HAT1: variants seen among roughly 807,000 people sequenced by gnomAD.
HAT1 encodes the protein histone acetyltransferase 1, also known as histone acetyltransferase type B catalytic subunit.
Under a neutral mutation model 56.6 loss-of-function variants are expected in HAT1, and 20 were observed. That is an observed-to-expected ratio of 0.35 (90% CI 0.25 to 0.51). The LOEUF (loss-of-function observed/expected upper bound fraction) is 0.51. Among genes scored for constraint, HAT1 ranks in the 20% least tolerant of loss-of-function variants. The pLI, the probability that HAT1 is intolerant of heterozygous loss-of-function variation, is 0.95. For synonymous variants in HAT1, 146 were observed against 165.5 expected (o/e 0.88, Z 0.91); for missense variants, 408 against 504.3 (o/e 0.81, Z 1.83).
intron 9 of HAT1, among the ~76,000 whole-genome samples, chr2:171,977,543 ATATATATATATATATTTTTT>A (rs1327991637): frequency 7.2e-5 from 1 of 13,846 alleles, no homozygotes; most frequent in African/African-American, 3.3e-4. Context: ...ATATATATAT[ATATATATATATATATTTTTT>A]TTTTTTTTTT....
intron 3 of HAT1, among the ~76,000 whole-genome samples, chr2:171,950,076 C>A (rs1288091415): frequency 1.3e-5 from 2 of 152,200 alleles, no homozygotes; most frequent in Non-Finnish European, 2.9e-5. Context: ...ACATAGTGGA[C>A]ATTTAAATAT....
chr2:171,963,602 C>T (rs1026319999), intron 4 of HAT1, among the ~76,000 whole-genome samples: 1 of 152,054 alleles, frequency 6.6e-6, no homozygotes, highest in Non-Finnish European at 1.5e-5. Flanking sequence ...TTATAAATCC[C>T]TTTTTAAAAG....
chr2:171,969,070 T>C (rs1301367453), intron 8 of HAT1, among the ~76,000 whole-genome samples: 1 of 152,228 alleles, frequency 6.6e-6, no homozygotes, highest in Non-Finnish European at 1.5e-5. Flanking sequence ...AGACAATTCC[T>C]TGTATACCAT....
In HAT1 at chr2:171,976,156, G is replaced by A; in HGVS notation, c.824-1G>A. ...AATATTATTCTGCTTTATTTATTTA[G>A]CGGAAGATCCATCCAAAAGCTATGT... On this transcript the variant is annotated splice_acceptor_variant, in intron 8 of 10. Coordinates refer to ENST00000264108, the MANE Select transcript of HAT1 (RefSeq NM_003642.4). LOFTEE classifies it high-confidence loss of function. 1 of 1,514,152 alleles carries A rather than the reference G, an allele frequency of 6.6e-7. No individual in the cohort carries two copies. The highest frequency in any genetic ancestry group is 8.9e-7 in the Non-Finnish European group (1 of 1,126,932). The allele number at this position is 1,514,152 out of a possible 1,614,324, so 93.8% of individuals were successfully genotyped here. A position where few individuals can be genotyped will look rare whatever the true frequency, so the allele number is the denominator to read the frequency against.
rs777878949 is a variant in HAT1 at position 171,983,269 on chromosome 2, A to G, written c.1177A>G (p.Met393Val). 2 of 1,604,198 alleles carry G rather than the reference A, an allele frequency of 1.2e-6. No individual in the cohort carries two copies. The highest frequency in any genetic ancestry group is 2.2e-5 in the South Asian group (2 of 90,624). The change falls in exon 11 of 11, where the codon ATG becomes GTG. Residue 393 changes from methionine (M) to valine (V), a missense_variant. Coordinates refer to ENST00000264108, the MANE Select transcript of HAT1 (RefSeq NM_003642.4). ...TNQMNQIEISMQHEQLEESFQ... is the reference protein window; with the variant it reads ...TNQMNQIEISVQHEQLEESFQ... ...CCAGATGAACCAAATAGAAATAAGCATGCAACATGAACAGCTGGAAGAGAG... is the reference window on the plus strand; with the variant it reads ...CCAGATGAACCAAATAGAAATAAGCGTGCAACATGAACAGCTGGAAGAGAG...
intron 3 of HAT1, 126 bp from the exon 4 acceptor site, chr2:171,952,754 AT>A (rs374046443): frequency 5.6e-3 from 2,704 of 486,530 alleles, no homozygotes; most frequent in South Asian, 7.1e-3. Context: ...TTTATTGTAG[AT>A]TTTTTTTTTA....
At chr2:171,951,965 G>T (rs192135124) in intron 3 of HAT1, among the ~76,000 whole-genome samples, 1 of 151,980 alleles carries the variant, frequency 6.6e-6, no homozygotes, top group African/African-American at 2.4e-5. Context: ...CCGTATTTTC[G>T]TAGCCTAGAC....
chr2:171,944,160 A>G (rs1400857212), intron 2 of HAT1, among the ~76,000 whole-genome samples: 2 of 150,562 alleles, frequency 1.3e-5, no homozygotes, highest in Non-Finnish European at 3.0e-5. Flanking sequence ...AAAAAAAAAT[A>G]CTTAAACAAG....
chr2:171,937,068 C>T lies in HAT1; in HGVS notation c.113-9640C>T, dbSNP rs900766751. On this transcript the variant is annotated intron_variant, in intron 2 of 10. Coordinates refer to ENST00000264108, the MANE Select transcript of HAT1 (RefSeq NM_003642.4). ...CTCCCAGGCTCAAGTGATCCTTCCA[C>T]CTCAGCCTCCTGAGTAGCTGGGACT... is the stretch of plus-strand genomic sequence containing the variant. Among the ~76,000 whole-genome samples the T allele has an allele frequency of 4.6e-5, 7 of 152,158 alleles. No homozygotes were observed. In the East Asian group the frequency reaches 5.8e-4, roughly 13 times the overall value.
At chr2:171,972,889 C>A (rs1035591989) in intron 8 of HAT1, among the ~76,000 whole-genome samples, 24 of 152,182 alleles carry the variant, frequency 1.6e-4, no homozygotes, top group Admixed American at 3.3e-4. Flanking sequence ...TCATGTAATG[C>A]TCTTTTGCTT....
At chr2:171,958,743 T>G (rs1687507451) in intron 4 of HAT1, among the ~76,000 whole-genome samples, 1 of 152,252 alleles carries the variant, frequency 6.6e-6, no homozygotes, top group Non-Finnish European at 1.5e-5. Context: ...TTTGCAGAAG[T>G]AGCAGTTCCT....
chr2:171,943,123 C>T (rs1014831420), intron 2 of HAT1, among the ~76,000 whole-genome samples: 5 of 149,914 alleles, frequency 3.3e-5, no homozygotes, highest in South Asian at 2.1e-4. Context: ...ACAGTGCTGG[C>T]TGGGCACGGT....
chr2:171,976,884 A>T (rs1229852882), intron 9 of HAT1, among the ~76,000 whole-genome samples: 2 of 152,184 alleles, frequency 1.3e-5, no homozygotes, highest in Admixed American at 6.5e-5. Context: ...TTATGAAAGT[A>T]TGTGAGATGG....
intron 2 of HAT1, among the ~76,000 whole-genome samples, chr2:171,945,399 A>C (rs1687133032): frequency 6.6e-6 from 1 of 152,146 alleles, no homozygotes; most frequent in Non-Finnish European, 1.5e-5. Context: ...GTAGGGAGCA[A>C]AGGAGTCTAC....
chr2:171,940,969 A>C (rs1687004542), intron 2 of HAT1, among the ~76,000 whole-genome samples: 1 of 152,198 alleles, frequency 6.6e-6, no homozygotes, highest in African/African-American at 2.4e-5. Context: ...AGACTTACCA[A>C]AACTGTGACT....
chr2:171,966,675 A>G, intron 7 of HAT1, 162 bp downstream of exon 7: 1 of 627,172 alleles, frequency 1.6e-6, no homozygotes, highest in Non-Finnish European at 2.8e-6. Flanking sequence ...GAAACAGTGT[A>G]GAAGATTAAA....
chr2:171,983,320 C>T lies in HAT1; in HGVS notation c.1228C>T (p.Arg410Trp), dbSNP rs991111623. 1.3e-5 allele frequency: 21 copies of T among 1,608,386 alleles called. No individual in the cohort carries two copies. The highest frequency in any genetic ancestry group is 1.6e-5 in the Non-Finnish European group (19 of 1,176,618). The change falls in exon 11 of 11, where the codon CGG becomes TGG. Residue 410 changes from arginine (R) to tryptophan (W), a missense_variant. Physicochemically the swap from Arg to Trp is moderately radical, Grantham distance 101. Coordinates refer to ENST00000264108, the MANE Select transcript of HAT1 (RefSeq NM_003642.4). Reference sequence around the variant, plus strand: ...TTTTCAGGAACTAGTGGAAGATTACCGGCGTGTTATTGAACGACTTGCTCA... The same window carrying T: ...TTTTCAGGAACTAGTGGAAGATTACTGGCGTGTTATTGAACGACTTGCTCA... ...ESFQELVEDY[R>W]RVIERLAQE
In HAT1 at chr2:171,966,438, C is replaced by T. The variant is rs375753557; in HGVS notation, c.641C>T (p.Thr214Met). 5.4e-5 allele frequency: 86 copies of T among 1,596,024 alleles called. 3 individuals are homozygous for T. In the South Asian group the frequency reaches 7.1e-4, roughly 13 times the overall value. The change falls in exon 7 of 11, where the codon ACG becomes ATG. Residue 214 changes from threonine (T) to methionine (M), a missense_variant. Transcript: ENST00000264108. ...VFEKYNKDGA[T>M]LFATVGYMTV... Reference sequence around the variant, plus strand: ...GAGAAGTATAATAAGGATGGAGCTACGCTCTTTGCGACCGTAGGCTACATG... The same window carrying T: ...GAGAAGTATAATAAGGATGGAGCTATGCTCTTTGCGACCGTAGGCTACATG...
intron 4 of HAT1, among the ~76,000 whole-genome samples, chr2:171,962,856 C>G (rs988395517): frequency 6.6e-6 from 1 of 152,150 alleles, no homozygotes; most frequent in African/African-American, 2.4e-5. Flanking sequence ...AGATTCTAAA[C>G]TTTTAGCCAC....
Sources: allele counts gnomAD v4.1 joint callset (sites outside exome capture counted in the v4.1 genomes callset), GRCh38; gene constraint gnomAD v4.1.1; transcripts MANE v1.5; gene names NCBI Gene and HGNC (gene_info 2026-07-23, HGNC 2026-07-21).